The following AWAT2 variants were observed in gnomAD, a reference collection of about 807,000 sequenced individuals.
AWAT2 encodes the protein 11-cis-RE-synthase.
Under a neutral mutation model 22.3 loss-of-function variants are expected in AWAT2, and 9 were observed. The observed-to-expected ratio is 0.40, with a 90% CI of 0.24 to 0.70. AWAT2 has a LOEUF of 0.70. Among genes scored for constraint, AWAT2 ranks in the 30% least tolerant of loss-of-function variants. The pLI is 0.36. For synonymous variants in AWAT2, 100 were observed against 93.4 expected (o/e 1.07, Z -0.40); for missense variants, 217 against 265.9 (o/e 0.82, Z 1.28).
chrX:70,049,810 A>G, intron 1 of AWAT2, 38 bp downstream of exon 1: 1 of 1,202,734 alleles, frequency 8.3e-7, no homozygotes, highest in Non-Finnish European at 1.1e-6. Context: ...CAGGCAAGCC[A>G]GGATGGTTGG....
intron 3 of AWAT2, 116 bp downstream of exon 3, chrX:70,043,810 G>C (rs2147526736): frequency 1.0e-6 from 1 of 988,491 alleles, no homozygotes; most frequent in East Asian, 3.3e-5. Context: ...ACTCCAGGGG[G>C]CGTCATTCTC....
At chrX:70,042,480 T>C (rs192973444) in intron 5 of AWAT2, 94 bp from the exon 6 acceptor site, 4 of 892,798 alleles carry the variant, frequency 4.5e-6, no homozygotes, top group Admixed American at 4.9e-5. Context: ...TGGGTCTGCC[T>C]ACAGGCTTCT....
chrX:70,042,451 G>T, intron 5 of AWAT2, 65 bp from the exon 6 acceptor site: 2 of 1,046,836 alleles, frequency 1.9e-6, no homozygotes, highest in Non-Finnish European at 2.7e-6. Context: ...TGCCAGACAC[G>T]CTGACGGCGC....
intron 1 of AWAT2, 58 bp from the exon 2 acceptor site, chrX:70,044,520 C>G (rs2020350641): frequency 7.7e-6 from 9 of 1,173,156 alleles, no homozygotes; most frequent in African/African-American, 3.5e-5. Flanking sequence ...CACTTACCCT[C>G]TCTCCGGAGT....
chrX:70,049,904 T>C lies in AWAT2; in HGVS notation c.29A>G (p.Lys10Arg). The C allele has an allele frequency of 8.3e-7, 1 of 1,211,674 alleles. No individual in the cohort carries two copies. The highest frequency in any genetic ancestry group is 1.1e-6 in the Non-Finnish European group (1 of 895,478). ...AACAGCAAAGACATCCAGGGCAGTC[T>C]TGAGGTCCTTCTTAGAGGGCAAGAG... is the stretch of plus-strand genomic sequence containing the variant. MLLPSKKDLKTALDVFAVFQ... is the reference protein window; with the variant it reads MLLPSKKDLRTALDVFAVFQ... The change falls in exon 1 of 8, where the codon AAG (lysine) becomes AGG (arginine). Residue 10 changes from lysine to arginine, a missense_variant. Coordinates refer to ENST00000276101, the MANE Select transcript of AWAT2 (RefSeq NM_001002254.1).
At chrX:70,048,771 C>T (rs1291737890) in intron 1 of AWAT2, among the ~76,000 whole-genome samples, 2 of 111,799 alleles carry the variant, frequency 1.8e-5, no homozygotes, top group Non-Finnish European at 3.8e-5. Flanking sequence ...CTTTCCCTCC[C>T]ATGCTGTGGT....
intron 4 of AWAT2, 35 bp from the exon 5 acceptor site, chrX:70,043,278 A>G (rs759018665): frequency 1.7e-6 from 2 of 1,164,246 alleles, no homozygotes; most frequent in Non-Finnish European, 1.2e-6. Context: ...GCCACTGGTC[A>G]CTTCCCAAAC....
intron 1 of AWAT2, among the ~76,000 whole-genome samples, chrX:70,046,169 A>C (rs1213154417): frequency 8.9e-6 from 1 of 112,055 alleles, no homozygotes; most frequent in East Asian, 2.8e-4. Flanking sequence ...ACAGATTCAG[A>C]GGGTGAATTC....
Position 70,043,622 on chromosome X carries a change from C to CATGAG in AWAT2, c.323_327dup (p.Gly110LeufsTer47). ...CCAAACCATCCATGGGCAAAGAGCC[C>CATGAG]ATGAGGGTGGCAGACGAGGATGTAG... On this transcript the variant is annotated frameshift_variant, in exon 4 of 8. Transcript: ENST00000276101. LOFTEE classifies it high-confidence loss of function. The CATGAG allele has an allele frequency of 1.7e-6, 2 of 1,210,689 alleles. No homozygotes were observed. The highest frequency in any genetic ancestry group is 2.2e-6 in the Non-Finnish European group (2 of 894,971).
intron 2 of AWAT2, 140 bp from the exon 3 acceptor site, chrX:70,044,136 G>T (rs775560889): frequency 3.3e-6 from 3 of 897,796 alleles, no homozygotes; most frequent in African/African-American, 4.0e-5. Context: ...GACAGGCCTA[G>T]CTTCTGCTTC....
Position 70,043,453 on chromosome X carries a change from C to T in AWAT2, c.472+25G>A, listed in dbSNP as rs751324982. ...CCTTGGGGAGCCATTTTTTCTTTGGCTTTGTGTCCTAGGAGCCAACTTACC... is the reference window on the plus strand; with the variant it reads ...CCTTGGGGAGCCATTTTTTCTTTGGTTTTGTGTCCTAGGAGCCAACTTACC... On this transcript the variant is annotated intron_variant, in intron 4 of 7. Coordinates refer to ENST00000276101, the MANE Select transcript of AWAT2 (RefSeq NM_001002254.1). 2.8e-5 allele frequency: 33 copies of T among 1,181,938 alleles called. No homozygotes were observed. In the South Asian group the frequency reaches 4.0e-4, roughly 14 times the overall value.
At position 70,049,936 on chromosome X, in the gene AWAT2, G is replaced by C. The variant is rs371710585; in HGVS notation, c.-4C>G. On this transcript the variant is annotated 5_prime_UTR_variant, in exon 1 of 8. Transcript: ENST00000276101. ...CCTTCTTAGAGGGCAAGAGCATTGTGCCCAGCGTCCCAGTGGCTCCAGGTA... is the reference window on the plus strand; with the variant it reads ...CCTTCTTAGAGGGCAAGAGCATTGTCCCCAGCGTCCCAGTGGCTCCAGGTA... 1.9e-5 allele frequency: 23 copies of C among 1,209,171 alleles called. No homozygotes were observed. The African/African-American group carries it at 3.7e-4, about 19-fold the overall frequency.
intron 1 of AWAT2, among the ~76,000 whole-genome samples, chrX:70,046,687 G>A: frequency 9.0e-6 from 1 of 111,125 alleles, no homozygotes; most frequent in East Asian, 2.8e-4. Flanking sequence ...TTATAGACGT[G>A]AGCCGCCGCC....
At chrX:70,049,241 C>T (rs1183961247) in intron 1 of AWAT2, among the ~76,000 whole-genome samples, 1 of 112,086 alleles carries the variant, frequency 8.9e-6, no homozygotes, top group African/African-American at 3.2e-5. Context: ...CCAGTACTCA[C>T]CTGAACCACT....
intron 1 of AWAT2, among the ~76,000 whole-genome samples, chrX:70,046,519 C>T (rs2020362980): frequency 9.1e-6 from 1 of 109,636 alleles, no homozygotes; most frequent in Admixed American, 9.8e-5. Context: ...GTTCTTGTGC[C>T]TCAACCTCCC....
At position 70,041,122 on chromosome X, in the gene AWAT2, A is replaced by G. The variant is rs1170599278; in HGVS notation, c.*536T>C. 1 of 112,712 alleles carries G rather than the reference A, an allele frequency of 8.9e-6. No homozygotes were observed. Among genetic ancestry groups the G allele is most frequent in the Admixed American group, 9.4e-5 (1 of 10,609 alleles). 9.3% of individuals were successfully genotyped at this position (112,712 alleles called of 1,213,427 possible). On this transcript the variant is annotated 3_prime_UTR_variant, in exon 8 of 8. Transcript: ENST00000276101. Reference sequence around the variant, plus strand: ...TGCTCAGGGACAGGAAATGGGTAAAATGGTTGGAGAAGAAAATGGTGTAGC... The same window carrying G: ...TGCTCAGGGACAGGAAATGGGTAAAGTGGTTGGAGAAGAAAATGGTGTAGC...
At chrX:70,044,108 C>A in intron 2 of AWAT2, 112 bp from the exon 3 acceptor site, 1 of 923,290 alleles carries the variant, frequency 1.1e-6, no homozygotes, top group Non-Finnish European at 1.5e-6. Flanking sequence ...CCAAGGTGGG[C>A]ATATCAGGGC....
In AWAT2 at chrX:70,040,987, A is replaced by C. The variant is rs1032533451; in HGVS notation, c.*671T>G. 1 of 112,365 alleles carries C rather than the reference A, an allele frequency of 8.9e-6. No homozygotes were observed. Among genetic ancestry groups the C allele is most frequent in the African/African-American group, 3.2e-5 (1 of 30,894 alleles). 9.3% of individuals were successfully genotyped at this position (112,365 alleles called of 1,213,427 possible). On this transcript the variant is annotated 3_prime_UTR_variant, in exon 8 of 8. Transcript: ENST00000276101. ...CCACACAAGTATAGGCAAGTTGCTG[A>C]GGGAATGACAGAGAAAATTAGGCCT...
intron 3 of AWAT2, 120 bp downstream of exon 3, chrX:70,043,806 G>A: frequency 1.0e-6 from 1 of 985,912 alleles, no homozygotes; most frequent in Non-Finnish European, 1.4e-6. Flanking sequence ...TGCAACTCCA[G>A]GGGGCGTCAT....
Sources: gnomAD v4.1 joint callset for allele counts (sites outside exome capture counted in the v4.1 genomes callset) on GRCh38, gnomAD v4.1.1 for gene constraint, MANE v1.5 for transcripts, NCBI Gene and HGNC (gene_info 2026-07-23, HGNC 2026-07-21) for gene names.